SOAT1: variants seen among roughly 807,000 people sequenced by gnomAD.
SOAT1 encodes the protein sterol O-acyltransferase 1.
Under a neutral mutation model 69.5 loss-of-function variants are expected in SOAT1, and 55 were observed. That is an observed-to-expected ratio of 0.79 (90% CI 0.64 to 0.99). The LOEUF is 0.99. SOAT1 is among the 50% of genes least tolerant of loss of function. SOAT1 has a pLI of 0.00. For missense variants in SOAT1, 580 were observed against 669.3 expected, an observed-to-expected ratio of 0.87 and a Z score of 1.47; for synonymous variants, 231 against 224.7, an observed-to-expected ratio of 1.03 and a Z score of -0.25.
At chr1:179,306,830 CAAAAA>C (rs11461908) in intron 2 of SOAT1, among the ~76,000 whole-genome samples, 34 of 96,628 alleles carry the variant, frequency 3.5e-4, no homozygotes, top group African/African-American at 1.6e-3. Context: ...GACTCCATCT[CAAAAA>C]AAAAAAAAAA....
At chr1:179,297,444 C>A (rs974654193) in intron 1 of SOAT1, among the ~76,000 whole-genome samples, 1 of 152,056 alleles carries the variant, frequency 6.6e-6, no homozygotes, top group African/African-American at 2.4e-5. Flanking sequence ...TCAAGCAATT[C>A]TCTGCTTCGG....
At chr1:179,335,936 A>G (rs1357482193) in intron 4 of SOAT1, among the ~76,000 whole-genome samples, 1 of 152,192 alleles carries the variant, frequency 6.6e-6, no homozygotes, top group Non-Finnish European at 1.5e-5. Flanking sequence ...AGGCAGGTGG[A>G]ACACCTGAGG....
intron 4 of SOAT1, among the ~76,000 whole-genome samples, chr1:179,336,992 CAA>C (rs34182074): frequency 1.2e-3 from 176 of 141,628 alleles, no homozygotes; most frequent in East Asian, 5.3e-3. Flanking sequence ...GAGACTGACT[CAA>C]AAAAAAAAAA....
In SOAT1 at chr1:179,342,862, G is replaced by T; in HGVS notation, c.860G>T (p.Ser287Ile). The change falls in exon 9 of 16, where the codon AGC becomes ATC. Residue 287 changes from serine (S) to isoleucine (I), a missense_variant and splice_region_variant. Coordinates refer to ENST00000367619, the MANE Select transcript of SOAT1 (RefSeq NM_003101.6). ...TCTAACTATAGTTTTCCTTTTCTAG[G>T]CACTGTTCCAATACCTACAGTCAAC... ...RVLNSAKEKS[S>I]TVPIPTVNQY... is the part of the protein sequence containing the mutation. The T allele has an allele frequency of 6.2e-7, 1 of 1,610,970 alleles. No homozygotes were observed. Among genetic ancestry groups the T allele is most frequent in the Non-Finnish European group, 8.5e-7 (1 of 1,177,488 alleles).
intron 3 of SOAT1, among the ~76,000 whole-genome samples, chr1:179,328,052 T>G (rs542162147): frequency 6.6e-6 from 1 of 152,218 alleles, no homozygotes; most frequent in Non-Finnish European, 1.5e-5. Flanking sequence ...ATTCATATGA[T>G]TAAGTCCCAA....
chr1:179,297,733 CAAA>C (rs376641077), intron 1 of SOAT1, among the ~76,000 whole-genome samples: 5 of 119,244 alleles, frequency 4.2e-5, no homozygotes, highest in Non-Finnish European at 3.5e-5. Context: ...GACTCCGTCT[CAAA>C]AAAAAAAAAA....
chr1:179,351,379 ACTTCT>A lies in SOAT1; in HGVS notation c.1517_1521del (p.Ser506PhefsTer55), dbSNP rs770386786. The A allele has an allele frequency of 6.2e-7, 1 of 1,613,986 alleles. No individual in the cohort carries two copies. The highest frequency in any genetic ancestry group is 8.5e-7 in the Non-Finnish European group (1 of 1,179,894). ...GCCGATTTGGAATGTTCTGATGTGG[ACTTCT>A]CTTTTCTTGGGCAATGGAGTCTTAC... On this transcript the variant is annotated frameshift_variant, in exon 15 of 16. Transcript: ENST00000367619. LOFTEE classifies it high-confidence loss of function.
chr1:179,316,376 A>T (rs116297588), intron 2 of SOAT1, among the ~76,000 whole-genome samples: 5 of 151,926 alleles, frequency 3.3e-5, no homozygotes, highest in African/African-American at 1.2e-4. Context: ...TTTCACTGTG[A>T]TATATCTAAG....
intron 3 of SOAT1, among the ~76,000 whole-genome samples, 184 bp from the exon 4 acceptor site, chr1:179,335,322 C>T (rs1666110888): frequency 6.6e-6 from 1 of 152,028 alleles, no homozygotes; most frequent in Non-Finnish European, 1.5e-5. Flanking sequence ...ACTATGTTGC[C>T]TTTTAGGTAG....
chr1:179,346,316 T>C (rs1666532275), intron 11 of SOAT1, among the ~76,000 whole-genome samples: 1 of 152,226 alleles, frequency 6.6e-6, no homozygotes, highest in South Asian at 2.1e-4. Flanking sequence ...TCTATAAATA[T>C]ATATTTTTCA....
In SOAT1 at chr1:179,357,066, A is replaced by G. The variant is rs561570165; in HGVS notation, c.*3425A>G. On this transcript the variant is annotated 3_prime_UTR_variant, in exon 16 of 16. Transcript: ENST00000367619. ...TGTAATTTATGTAATACTACATAAC[A>G]ATGCTACATATGGTATGTATACATA... is the stretch of plus-strand genomic sequence containing the variant. 2 of 152,312 alleles carry G rather than the reference A, an allele frequency of 1.3e-5. No individual in the cohort carries two copies. The highest frequency in any genetic ancestry group is 3.9e-4 in the East Asian group (2 of 5,186). The allele number at this position is 152,312 out of a possible 1,614,324, so 9.4% of individuals were successfully genotyped here.
chr1:179,342,192 A>G lies in SOAT1; in HGVS notation c.859A>G (p.Ser287Gly). The G allele has an allele frequency of 6.2e-7, 1 of 1,609,154 alleles. No homozygotes were observed. Among genetic ancestry groups the G allele is most frequent in the Non-Finnish European group, 8.5e-7 (1 of 1,176,342 alleles). The part of the protein sequence containing the change: ...RVLNSAKEKS[S>G]TVPIPTVNQY... The stretch of plus-strand genomic sequence containing the variant: ...ACTAAATTCAGCTAAGGAGAAATCA[A>G]GTATGTAATTTCTTTTGTTCATTAT... The change falls in exon 8 of 16, where the codon AGC (serine) becomes GGC (glycine). Residue 287 changes from serine (S) to glycine (G), a missense_variant and splice_region_variant. Transcript: ENST00000367619.
At chr1:179,342,531 T>A (rs1666377519) in intron 8 of SOAT1, among the ~76,000 whole-genome samples, 1 of 152,180 alleles carries the variant, frequency 6.6e-6, no homozygotes, top group South Asian at 2.1e-4. Flanking sequence ...CCCTTGAACC[T>A]ACAATTTTAA....
intron 10 of SOAT1, among the ~76,000 whole-genome samples, chr1:179,343,950 A>G (rs1392510473): frequency 6.6e-6 from 1 of 152,060 alleles, no homozygotes; most frequent in East Asian, 1.9e-4. Flanking sequence ...GTGAAACCCC[A>G]TCTCTACTAA....
intron 2 of SOAT1, among the ~76,000 whole-genome samples, chr1:179,310,899 TC>T (rs1472800766): frequency 1.3e-5 from 2 of 152,218 alleles, no homozygotes; most frequent in East Asian, 1.9e-4. Flanking sequence ...TGCTTAGTAT[TC>T]CTTAGTCATC....
chr1:179,349,783 G>A (rs1196587406), intron 13 of SOAT1, among the ~76,000 whole-genome samples: 3 of 152,156 alleles, frequency 2.0e-5, no homozygotes, highest in Non-Finnish European at 4.4e-5. Context: ...CTAGATTACA[G>A]TTTTTATTAA....
chr1:179,335,433 C>A (rs569629731), intron 3 of SOAT1, 73 bp from the exon 4 acceptor site: 18 of 1,302,740 alleles, frequency 1.4e-5, no homozygotes, highest in Non-Finnish European at 1.9e-5. Context: ...TTTAAGGGAG[C>A]CCTTTAGAGA....
In SOAT1 at chr1:179,356,148, G is replaced by A. The variant is rs1245523135; in HGVS notation, c.*2507G>A. The A allele has an allele frequency of 6.6e-6, 1 of 152,018 alleles. No homozygotes were observed. Among genetic ancestry groups the A allele is most frequent in the Non-Finnish European group, 1.5e-5 (1 of 67,980 alleles). The allele number at this position is 152,018 out of a possible 1,614,324, so 9.4% of individuals were successfully genotyped here. A position where few individuals can be genotyped will look rare whatever the true frequency, so the allele number is the denominator to read the frequency against. ...TGGCGAAAATTATTTTCAGTTATAG[G>A]ATACTTTTTTCCTTCTGAAAAGTAA... On this transcript the variant is annotated 3_prime_UTR_variant, in exon 16 of 16. Transcript: ENST00000367619.
At chr1:179,313,874 G>A (rs768515481) in intron 2 of SOAT1, among the ~76,000 whole-genome samples, 5 of 152,140 alleles carry the variant, frequency 3.3e-5, no homozygotes, top group Non-Finnish European at 7.3e-5. Flanking sequence ...GTGAGCCACC[G>A]TGCCTGGCCA....
Sources: allele counts gnomAD v4.1 joint callset (sites outside exome capture counted in the v4.1 genomes callset), GRCh38; gene constraint gnomAD v4.1.1; transcripts MANE v1.5; gene names NCBI Gene and HGNC (gene_info 2026-07-23, HGNC 2026-07-21).